The following INPP4B variants were observed in gnomAD, a reference collection of about 807,000 sequenced individuals.
The protein encoded by INPP4B is inositol polyphosphate-4-phosphatase type II B, also known as inositol polyphosphate 4-phosphatase type II.
A neutral mutation model predicts 122.5 loss-of-function variants in INPP4B; 55 were observed. The ratio of observed to expected loss-of-function variants is 0.45; its 90% CI spans 0.36 to 0.56. The LOEUF is 0.56. INPP4B is among the 20% of genes least tolerant of loss of function. The probability of loss-of-function intolerance (pLI) is 0.00; values close to 1 mark genes in which losing one functional copy is unlikely to be tolerated. For synonymous variants in INPP4B, 403 were observed against 388.7 expected, an observed-to-expected ratio of 1.04 and a Z score of -0.43; for missense variants, 1,000 against 1,097.7, an observed-to-expected ratio of 0.91 and a Z score of 1.26.
chr4:142,330,141 A>G (rs1365486310), intron 7 of INPP4B, among the ~76,000 whole-genome samples: 1 of 152,198 alleles, frequency 6.6e-6, no homozygotes, highest in Non-Finnish European at 1.5e-5. Flanking sequence ...ATTGTTACTT[A>G]TCTGCATTTG....
At chr4:142,761,333 T>A (rs1338869721) in intron 1 of INPP4B, among the ~76,000 whole-genome samples, 1 of 152,118 alleles carries the variant, frequency 6.6e-6, no homozygotes. Context: ...ATAGGTTCCT[T>A]TTGACATTTT....
chr4:142,052,347 A>G (rs182912520), intron 25 of INPP4B, among the ~76,000 whole-genome samples: 232 of 152,126 alleles, frequency 1.5e-3, no homozygotes, highest in African/African-American at 5.3e-3. Flanking sequence ...TTTATTCCCT[A>G]AGAATTACTT....
intron 2 of INPP4B, among the ~76,000 whole-genome samples, chr4:142,506,057 T>A (rs114295056): frequency 0.012 from 1,766 of 152,286 alleles, 32 homozygotes; most frequent in African/African-American, 0.04. Flanking sequence ...ATTATCATAG[T>A]TTAATGAGTG....
chr4:142,048,091 T>C (rs1319290316), intron 25 of INPP4B, among the ~76,000 whole-genome samples: 1 of 152,082 alleles, frequency 6.6e-6, no homozygotes, highest in African/African-American at 2.4e-5. Flanking sequence ...TCCTGTGAGG[T>C]AGGTACAAAG....
chr4:142,136,727 T>C (rs1579037691), intron 18 of INPP4B, among the ~76,000 whole-genome samples: 1 of 152,086 alleles, frequency 6.6e-6, no homozygotes, highest in South Asian at 2.1e-4. Flanking sequence ...AGGCAGGTGG[T>C]GGTAAGGGAA....
intron 2 of INPP4B, among the ~76,000 whole-genome samples, chr4:142,463,041 C>A (rs889131393): frequency 1.1e-4 from 16 of 152,178 alleles, no homozygotes; most frequent in Non-Finnish European, 1.5e-5. Flanking sequence ...TTCCTCATAA[C>A]TACTCAGCAA....
At chr4:142,606,541 A>T (rs948599690) in intron 2 of INPP4B, among the ~76,000 whole-genome samples, 1 of 151,982 alleles carries the variant, frequency 6.6e-6, no homozygotes, top group Non-Finnish European at 1.5e-5. Flanking sequence ...ATTTTTATAT[A>T]TCAATAAAAG....
intron 1 of INPP4B, among the ~76,000 whole-genome samples, chr4:142,805,432 T>C (rs1778562082): frequency 6.6e-6 from 1 of 152,198 alleles, no homozygotes; most frequent in Non-Finnish European, 1.5e-5. Context: ...GAAAGTCCAA[T>C]GAAAAACTAC....
intron 2 of INPP4B, among the ~76,000 whole-genome samples, chr4:142,652,526 A>G (rs919117896): frequency 6.6e-6 from 1 of 152,232 alleles, no homozygotes. Flanking sequence ...GCAAAGTCTC[A>G]GGATACAAAA....
At chr4:142,155,769 A>G (rs567433268) in intron 17 of INPP4B, among the ~76,000 whole-genome samples, 1 of 152,100 alleles carries the variant, frequency 6.6e-6, no homozygotes, top group East Asian at 1.9e-4. Flanking sequence ...AATATATCAG[A>G]AGATGGTTCA....
chr4:142,180,432 T>C (rs895234929), intron 15 of INPP4B, among the ~76,000 whole-genome samples: 11 of 152,196 alleles, frequency 7.2e-5, no homozygotes, highest in African/African-American at 2.7e-4. Context: ...ACTGTATTTA[T>C]CCTAATAATT....
intron 2 of INPP4B, among the ~76,000 whole-genome samples, chr4:142,593,223 G>T (rs1737914972): frequency 6.6e-6 from 1 of 152,010 alleles, no homozygotes; most frequent in Non-Finnish European, 1.5e-5. Context: ...GTGCATTAGG[G>T]AGTCAGAGGA....
intron 7 of INPP4B, among the ~76,000 whole-genome samples, chr4:142,324,535 C>T (rs1446638457): frequency 6.6e-6 from 1 of 152,156 alleles, no homozygotes; most frequent in East Asian, 1.9e-4. Context: ...AACTGTCATT[C>T]CAACTATGCA....
chr4:142,280,185 A>G (rs1374905857), intron 9 of INPP4B, among the ~76,000 whole-genome samples: 1 of 151,922 alleles, frequency 6.6e-6, no homozygotes, highest in Non-Finnish European at 1.5e-5. Context: ...AGCAATCCCA[A>G]TTCTAAATAT....
intron 25 of INPP4B, among the ~76,000 whole-genome samples, chr4:142,064,352 G>T (rs1353492844): frequency 6.6e-6 from 1 of 152,146 alleles, no homozygotes; most frequent in Non-Finnish European, 1.5e-5. Flanking sequence ...AATGCTTGTT[G>T]GAATGTGGGC....
At chr4:142,373,234 G>C (rs1240643696) in intron 7 of INPP4B, among the ~76,000 whole-genome samples, 1 of 151,984 alleles carries the variant, frequency 6.6e-6, no homozygotes, top group Non-Finnish European at 1.5e-5. Context: ...CTTTCATAAA[G>C]CAGAAAGTGT....
Position 142,358,763 on chromosome 4 carries a change from C to A in INPP4B, c.373-44001G>T, listed in dbSNP as rs1428301547. Among the ~76,000 whole-genome samples the A allele has an allele frequency of 2.0e-5, 3 of 151,396 alleles. 1 individual carries two copies. The stretch of plus-strand genomic sequence containing the variant: ...CCCACGATAACAATCACCTAGAATA[C>A]TTGTTACAAATGCACATGCCCACAC... On this transcript the variant is annotated intron_variant, in intron 7 of 25. Transcript: ENST00000262992.
At chr4:142,301,678 C>T (rs1761461211) in intron 9 of INPP4B, among the ~76,000 whole-genome samples, 1 of 152,192 alleles carries the variant, frequency 6.6e-6, no homozygotes, top group East Asian at 1.9e-4. Flanking sequence ...ATTAACTCTA[C>T]CCCTGTACTT....
chr4:142,202,775 CAACA>C, intron 14 of INPP4B: 1 of 984,864 alleles, frequency 1.0e-6, no homozygotes, highest in Non-Finnish European at 1.2e-6. Flanking sequence ...ATCTGAAAAA[CAACA>C]AACAAAAACA....
Sources: gnomAD v4.1 joint callset for allele counts (sites outside exome capture counted in the v4.1 genomes callset) on GRCh38, gnomAD v4.1.1 for gene constraint, MANE v1.5 for transcripts, NCBI Gene and HGNC (gene_info 2026-07-23, HGNC 2026-07-21) for gene names.